Variants in ANK1 observed in about 807,000 individuals in gnomAD.
The protein encoded by ANK1 is ankyrin 1, also known as ankyrin-1.
In ANK1, 51 loss-of-function variants were observed where a neutral mutation model predicts 210.4. The observed-to-expected ratio is 0.24, with a 90% confidence interval of 0.19 to 0.31. The LOEUF (loss-of-function observed/expected upper bound fraction) is 0.31, where lower values mean the gene tolerates loss of function less well. ANK1 is among the 10% of genes least tolerant of loss of function. The pLI is 1.00. For missense variants in ANK1, 2,051 were observed against 2,504.4 expected (o/e 0.82, Z 3.86); for synonymous variants, 967 against 1,025.9 (o/e 0.94, Z 1.10).
Position 41,858,048 on chromosome 8 carries a change from C to A in ANK1, c.126+38307G>T, listed in dbSNP as rs189749732. Among the ~76,000 whole-genome samples the A allele has an allele frequency of 3.1e-3, 470 of 152,166 alleles. 4 individuals are homozygous for A. The highest frequency in any genetic ancestry group is 0.011 in the African/African-American group (442 of 41,504). On this transcript the variant is annotated intron_variant, in intron 1 of 42. Transcript: ENST00000265709. The stretch of plus-strand genomic sequence containing the variant: ...TTTGAGGCCATCCTGGACAACATAG[C>A]AAGACCCCCCATCTCTACAAAATAG...
At chr8:41,776,727 A>G (rs1844128263) in intron 1 of ANK1, among the ~76,000 whole-genome samples, 1 of 152,218 alleles carries the variant, frequency 6.6e-6, no homozygotes, top group South Asian at 2.1e-4. Flanking sequence ...ATTAAACCCA[A>G]TTAAACTACT....
At position 41,727,642 on chromosome 8, in the gene ANK1, T is replaced by C. The variant is rs150055294; in HGVS notation, c.327+266A>G. Among the ~76,000 whole-genome samples, 381 of 152,254 alleles carry C rather than the reference T, an allele frequency of 2.5e-3. 1 individual carries two copies. The highest frequency in any genetic ancestry group is 4.2e-3 in the Non-Finnish European group (285 of 68,020). ...TCATTCCCCCAGTCCTCAGTTTCTC[T>C]CTCCACCTAGGCTACAACTGGACAT... On this transcript the variant is annotated intron_variant, in intron 4 of 42. Coordinates refer to ENST00000289734, the MANE Select transcript of ANK1 (RefSeq NM_000037.4).
At position 41,690,595 on chromosome 8, in the gene ANK1, A is replaced by G. The variant is rs1176282154; in HGVS notation, c.3863T>C (p.Leu1288Ser). 1.2e-6 allele frequency: 2 copies of G among 1,612,792 alleles called. No homozygotes were observed. The highest frequency in any genetic ancestry group is 3.3e-5 in the Admixed American group (2 of 60,032). The change falls in exon 32 of 43, where the codon TTG becomes TCG. Residue 1288 changes from leucine to serine, a missense_variant. By Grantham distance (145) the Leu-to-Ser change is moderately radical. Around this residue, in one of 6 missense-constraint regions of ANK1, gnomAD observed 1,413 missense variants for 1,707.4 expected, o/e 0.83. Transcript: ENST00000289734. ...TTCTGCAAACAGGGACATTCCTTCC[A>G]ACACCTGCAGGAGAGGAAAAGCAGA... ...EVARSRDIEV[L>S]EGMSLFAELS... is the part of the protein sequence containing the mutation.
intron 1 of ANK1, among the ~76,000 whole-genome samples, chr8:41,843,254 T>C (rs544219903): frequency 6.6e-6 from 1 of 152,346 alleles, no homozygotes; most frequent in South Asian, 2.1e-4. Flanking sequence ...TAATGTGTAG[T>C]GATCAAGTCA....
chr8:41,803,919 G>A (rs1850546961), intron 1 of ANK1, among the ~76,000 whole-genome samples: 1 of 152,116 alleles, frequency 6.6e-6, no homozygotes, highest in Admixed American at 6.5e-5. Flanking sequence ...TTGAATTAGA[G>A]TTGTGGAATT....
intron 16 of ANK1, among the ~76,000 whole-genome samples, chr8:41,711,392 C>T (rs1826074664): frequency 6.6e-6 from 1 of 152,258 alleles, no homozygotes; most frequent in South Asian, 2.1e-4. Flanking sequence ...GCTATACCCA[C>T]TCCCTTTCGG....
At chr8:41,681,689 G>A (rs377557018) in intron 37 of ANK1, among the ~76,000 whole-genome samples, 6 of 152,336 alleles carry the variant, frequency 3.9e-5, no homozygotes, top group South Asian at 2.1e-4. Flanking sequence ...AGGCCATCAC[G>A]AGCCCTGCCC....
chr8:41,864,787 C>A (rs1039319181), intron 1 of ANK1, among the ~76,000 whole-genome samples: 1 of 152,122 alleles, frequency 6.6e-6, no homozygotes, highest in Non-Finnish European at 1.5e-5. Flanking sequence ...CATCCAGAAC[C>A]GAAGAAACTG....
At chr8:41,896,237 G>T (rs1421485697) in intron 1 of ANK1, 6 of 1,341,430 alleles carry the variant, frequency 4.5e-6, no homozygotes, top group Non-Finnish European at 4.8e-6. Context: ...CTCGGGTGCC[G>T]CCAACTCCGC....
intron 1 of ANK1, among the ~76,000 whole-genome samples, chr8:41,857,350 C>T (rs1274315040): frequency 3.3e-5 from 5 of 151,710 alleles, no homozygotes; most frequent in Non-Finnish European, 7.4e-5. Context: ...ATAATCCCAG[C>T]ACTTTGGGAG....
At position 41,830,413 on chromosome 8, in the gene ANK1, G is replaced by C. The variant is rs575099667; in HGVS notation, c.126+65942C>G. On this transcript the variant is annotated intron_variant, in intron 1 of 42. Coordinates refer to the ANK1 transcript ENST00000265709. ...TTTTAAGCTAAATCATCAATCAAAAGTATTCTTCATTCTGGTATATGGCTG... is the reference window on the plus strand; with the variant it reads ...TTTTAAGCTAAATCATCAATCAAAACTATTCTTCATTCTGGTATATGGCTG... 2.0e-5 allele frequency among the ~76,000 whole-genome samples: 3 copies of C among 151,856 alleles called. No homozygotes were observed. In the South Asian group the frequency reaches 6.3e-4, roughly 32 times the overall value.
chr8:41,873,747 C>T (rs866212845), intron 1 of ANK1, among the ~76,000 whole-genome samples: 6 of 152,224 alleles, frequency 3.9e-5, no homozygotes, highest in African/African-American at 1.2e-4. Flanking sequence ...TGGGCCTTGC[C>T]GGCTTCACAG....
chr8:41,702,156 G>A lies in ANK1; in HGVS notation c.2296-12C>T. ...GGTGTGGTTCCATCCTGGGGAAAGA[G>A]CAGCCCGGGTGCAGTCAGACAGGGG... is the stretch of plus-strand genomic sequence containing the variant. On this transcript the variant is annotated splice_polypyrimidine_tract_variant and intron_variant, in intron 20 of 42. Coordinates refer to ENST00000289734, the MANE Select transcript of ANK1 (RefSeq NM_000037.4). 6 of 1,611,728 alleles carry A rather than the reference G, an allele frequency of 3.7e-6. No homozygotes were observed. Among genetic ancestry groups the A allele is most frequent in the Non-Finnish European group, 5.1e-6 (6 of 1,177,970 alleles).
At chr8:41,870,983 C>T (rs1484326587) in intron 1 of ANK1, among the ~76,000 whole-genome samples, 2 of 152,174 alleles carry the variant, frequency 1.3e-5, no homozygotes, top group Non-Finnish European at 2.9e-5. Flanking sequence ...CTCTCAACAA[C>T]CTCAACTCAT....
chr8:41,661,362 G>A, intron 42 of ANK1, 68 bp downstream of exon 42: 1 of 1,593,504 alleles, frequency 6.3e-7, no homozygotes, highest in Non-Finnish European at 8.5e-7. Context: ...AGGGGATAGG[G>A]TGAGACAGGG....
chr8:41,830,453 TAA>T (rs1272447216), intron 1 of ANK1, among the ~76,000 whole-genome samples: 2 of 151,998 alleles, frequency 1.3e-5, no homozygotes, highest in East Asian at 3.9e-4. Context: ...CCACAGATGA[TAA>T]AATCCCGTCA....
In ANK1 at chr8:41,882,220, C is replaced by T. The variant is rs138504545; in HGVS notation, c.126+14135G>A. ...ATCAATGACATAATGCCCTGGGAAG[C>T]GCCTGGTGAGCCACTGAGCTCCATG... is the stretch of plus-strand genomic sequence containing the variant. On this transcript the variant is annotated intron_variant, in intron 1 of 42. Transcript: ENST00000265709. Among the ~76,000 whole-genome samples the T allele has an allele frequency of 4.2e-3, 641 of 152,208 alleles. 6 individuals carry two copies. Among genetic ancestry groups the T allele is most frequent in the African/African-American group, 0.014 (573 of 41,508 alleles).
intron 24 of ANK1, chr8:41,697,747 C>T (rs540582679): frequency 6.2e-6 from 3 of 483,540 alleles, no homozygotes; most frequent in African/African-American, 2.0e-5. Flanking sequence ...GAGTTGAAGA[C>T]AGTGGGCTGG....
rs999069997 is a variant in ANK1, at chr8:41,826,779, A to G, written c.127-68642T>C. Among the ~76,000 whole-genome samples the G allele has an allele frequency of 9.9e-5, 15 of 152,136 alleles. 1 individual carries two copies. The highest frequency in any genetic ancestry group is 3.4e-4 in the African/African-American group (14 of 41,416). On this transcript the variant is annotated intron_variant, in intron 1 of 42. Coordinates refer to the ANK1 transcript ENST00000265709. ...GAACTGGAATTATACCATGCATAAT[A>G]TTTTGTACCCTTCATTTTTTTTTCT...
Sources: gnomAD v4.1 joint callset for allele counts (sites outside exome capture counted in the v4.1 genomes callset) on GRCh38, gnomAD v4.1.1 for gene constraint, gnomAD v4.1.1 regional missense constraint, MANE v1.5 for transcripts, NCBI Gene and HGNC (gene_info 2026-07-23, HGNC 2026-07-21) for gene names.